The following TNRC6A variants were observed in gnomAD, a reference collection of about 807,000 sequenced individuals.
TNRC6A encodes trinucleotide repeat containing adaptor 6A.
Under a neutral mutation model 221.2 loss-of-function variants are expected in TNRC6A, and 44 were observed. The ratio of observed to expected loss-of-function variants is 0.20; its 90% CI spans 0.16 to 0.26. The LOEUF (loss-of-function observed/expected upper bound fraction) is 0.26. Among genes scored for constraint, TNRC6A ranks in the 10% least tolerant of loss-of-function variants. The pLI, the probability that TNRC6A is intolerant of heterozygous loss-of-function variation, is 1.00. For missense variants in TNRC6A, 2,199 were observed against 2,404.4 expected, an observed-to-expected ratio of 0.91 and a Z score of 1.79; for synonymous variants, 847 against 838.5, an observed-to-expected ratio of 1.01 and a Z score of -0.18.
chr16:24,716,621 C>T (rs1014206451), intron 2 of TNRC6A, among the ~76,000 whole-genome samples: 6 of 152,104 alleles, frequency 3.9e-5, no homozygotes, highest in Admixed American at 6.6e-5. Context: ...ACCATGTTCA[C>T]GCCACTGCAT....
At chr16:24,667,256 A>T (rs903418017) in intron 2 of TNRC6A, among the ~76,000 whole-genome samples, 1 of 152,052 alleles carries the variant, frequency 6.6e-6, no homozygotes, top group Admixed American at 6.6e-5. Context: ...GGCTCTGCTG[A>T]CCTTGGCTGG....
rs371734926 is a variant in TNRC6A, at chr16:24,823,409, T to C, written c.5514-23T>C. 3.8e-6 allele frequency: 6 copies of C among 1,587,492 alleles called. No individual in the cohort carries two copies. The highest frequency in any genetic ancestry group is 5.2e-6 in the Non-Finnish European group (6 of 1,164,438). On this transcript the variant is annotated intron_variant, in intron 24 of 24. Coordinates refer to ENST00000395799, the MANE Select transcript of TNRC6A (RefSeq NM_014494.4). The surrounding 1 kb of genome is among the most constrained non-coding windows in gnomAD (Gnocchi z 4.3). ...CCTCCTGGTGTGCTGTCCTCACGTG[T>C]CCGCGGTGCCTCTCTCCTCTAGGTG...
At chr16:24,677,072 G>A (rs898547729) in intron 2 of TNRC6A, among the ~76,000 whole-genome samples, 1 of 151,754 alleles carries the variant, frequency 6.6e-6, no homozygotes, top group Admixed American at 6.6e-5. Context: ...ACATCATCTG[G>A]TTGTCCTACA....
chr16:24,689,155 G>T (rs999934119), intron 2 of TNRC6A, among the ~76,000 whole-genome samples: 1 of 152,174 alleles, frequency 6.6e-6, no homozygotes, highest in Non-Finnish European at 1.5e-5. Flanking sequence ...ACGAACTATT[G>T]TAACTGATAT....
intron 1 of TNRC6A, among the ~76,000 whole-genome samples, chr16:24,626,563 G>A (rs983389898): frequency 2.0e-5 from 3 of 151,412 alleles, no homozygotes; most frequent in African/African-American, 7.3e-5. Flanking sequence ...TGAAATCGTA[G>A]CTCCAGATTT....
intron 5 of TNRC6A, among the ~76,000 whole-genome samples, chr16:24,783,722 T>C (rs1264861691): frequency 6.6e-6 from 1 of 152,218 alleles, no homozygotes; most frequent in Non-Finnish European, 1.5e-5. Context: ...AGCCGCTCCC[T>C]TTCTTCCTAC....
At chr16:24,741,633 A>G (rs1346857379) in intron 2 of TNRC6A, among the ~76,000 whole-genome samples, 1 of 152,136 alleles carries the variant, frequency 6.6e-6, no homozygotes, top group Non-Finnish European at 1.5e-5. Context: ...TCTGGTTTGC[A>G]ATCTGGGACC....
At chr16:24,788,600 G>A (rs1473309111) in intron 5 of TNRC6A, among the ~76,000 whole-genome samples, 7 of 151,078 alleles carry the variant, frequency 4.6e-5, no homozygotes, top group East Asian at 1.9e-4. Flanking sequence ...GGGTTGTTCC[G>A]TTATCCTAAT....
chr16:24,818,518 C>T lies in TNRC6A; in HGVS notation c.4973-75C>T, dbSNP rs1293533157. 4.3e-6 allele frequency: 5 copies of T among 1,159,764 alleles called. No homozygotes were observed. The African/African-American group carries it at 6.1e-5, about 14-fold the overall frequency. 71.8% of individuals were successfully genotyped at this position (1,159,764 alleles called of 1,614,324 possible). On this transcript the variant is annotated intron_variant, in intron 20 of 24. Transcript: ENST00000395799. ...TGTGGCATACTGTTAGCTTTGATTT[C>T]TCTGGAAGCTTTTGCTTTTTCTGAA...
At chr16:24,617,699 ACT>A (rs768219170) in intron 1 of TNRC6A, among the ~76,000 whole-genome samples, 51 of 152,012 alleles carry the variant, frequency 3.4e-4, no homozygotes, top group Non-Finnish European at 5.6e-4. Context: ...AGACTAAATA[ACT>A]CACCCAGAGT....
intron 2 of TNRC6A, among the ~76,000 whole-genome samples, chr16:24,706,981 T>G (rs940734894): frequency 1.2e-5 from 1 of 83,442 alleles, no homozygotes; most frequent in Admixed American, 1.5e-4. Flanking sequence ...TTATCTATTT[T>G]TATTTATGTA....
chr16:24,632,631 C>T (rs1281683512), intron 1 of TNRC6A, among the ~76,000 whole-genome samples: 1 of 152,120 alleles, frequency 6.6e-6, no homozygotes, highest in African/African-American at 2.4e-5. Context: ...ATCTTACAGC[C>T]ACCCCCAGAG....
At position 24,790,025 on chromosome 16, in the gene TNRC6A, C is replaced by T; in HGVS notation, c.1383C>T (p.Thr461=). ...TGPNNTTNFM[T]SSLPNSGSVQ... is the part of the protein sequence containing the mutation. Reference sequence around the variant, plus strand: ...CAAATAACACTACTAACTTTATGACCTCTAGTTTACCAAACTCCGGTTCAG... The same window carrying T: ...CAAATAACACTACTAACTTTATGACTTCTAGTTTACCAAACTCCGGTTCAG... The change falls in exon 6 of 25, where the codon ACC becomes ACT. Residue 461 remains threonine, a synonymous_variant. Coordinates refer to ENST00000395799, the MANE Select transcript of TNRC6A (RefSeq NM_014494.4). The T allele has an allele frequency of 1.2e-6, 2 of 1,614,166 alleles. No individual in the cohort carries two copies. The highest frequency in any genetic ancestry group is 1.7e-6 in the Non-Finnish European group (2 of 1,180,034).
intron 4 of TNRC6A, among the ~76,000 whole-genome samples, chr16:24,775,490 A>C (rs1450823625): frequency 6.6e-6 from 1 of 152,192 alleles, no homozygotes; most frequent in East Asian, 1.9e-4. Context: ...GAAAATGGGG[A>C]GATCAGTTTG....
At chr16:24,809,502 C>CAAAA (rs56154395) in intron 18 of TNRC6A, 21 bp downstream of exon 18, 19 of 1,171,380 alleles carry the variant, frequency 1.6e-5, no homozygotes, top group South Asian at 5.4e-5. Context: ...TACATCTTAC[C>CAAAA]AAAAAAAAAA....
At chr16:24,804,949 G>GT (rs2058400251) in intron 13 of TNRC6A, 65 bp from the exon 14 acceptor site, 2 of 1,613,976 alleles carry the variant, frequency 1.2e-6, no homozygotes, top group African/African-American at 1.3e-5. Context: ...TCATAGTACA[G>GT]TGTGGTAATG....
intron 8 of TNRC6A, chr16:24,795,548 C>G: frequency 4.4e-6 from 1 of 228,182 alleles, no homozygotes. Context: ...CCTTAGAAGT[C>G]AGATACCAGT....
intron 1 of TNRC6A, among the ~76,000 whole-genome samples, chr16:24,635,773 A>C (rs1901608763): frequency 6.6e-6 from 1 of 152,132 alleles, no homozygotes; most frequent in Admixed American, 6.6e-5. Flanking sequence ...TGATTTTGTC[A>C]CCTTGTTGCC....
At chr16:24,642,717 G>A (rs1006201923) in intron 2 of TNRC6A, among the ~76,000 whole-genome samples, 10 of 152,124 alleles carry the variant, frequency 6.6e-5, no homozygotes, top group Non-Finnish European at 1.2e-4. Context: ...CTACCTGGGA[G>A]GCTGAGGCAG....
Sources: allele counts gnomAD v4.1 joint callset (sites outside exome capture counted in the v4.1 genomes callset), GRCh38; gene constraint gnomAD v4.1.1; non-coding constraint Gnocchi (gnomAD v3.1); transcripts MANE v1.5; gene names NCBI Gene and HGNC (gene_info 2026-07-23, HGNC 2026-07-21).